Variants in ZRANB3 observed in about 807,000 individuals in gnomAD.
The protein encoded by ZRANB3 is zinc finger RANBP2-type containing 3, also known as DNA annealing helicase and endonuclease ZRANB3.
In ZRANB3, 125 loss-of-function variants were observed where a neutral mutation model predicts 133.8. That is an observed-to-expected ratio of 0.93 (90% CI 0.81 to 1.08). ZRANB3 has a LOEUF of 1.08. Ranked by LOEUF, ZRANB3 falls within the 50% of genes least tolerant of loss-of-function variation. The probability of loss-of-function intolerance (pLI) is 0.00; values close to 1 mark genes in which losing one functional copy is unlikely to be tolerated. For missense variants in ZRANB3, 1,229 were observed against 1,275.5 expected (o/e 0.96, Z 0.56); for synonymous variants, 387 against 432.7 (o/e 0.89, Z 1.31).
chr2:135,340,500 A>C (rs7563702), intron 6 of ZRANB3, among the ~76,000 whole-genome samples: 1 of 151,996 alleles, frequency 6.6e-6, no homozygotes, highest in Non-Finnish European at 1.5e-5. Context: ...TTCTGGATCT[A>C]CAAGAAAAAT....
chr2:135,235,080 C>G (rs1195383538), intron 12 of ZRANB3, among the ~76,000 whole-genome samples: 3 of 151,628 alleles, frequency 2.0e-5, no homozygotes, highest in African/African-American at 7.3e-5. Flanking sequence ...ATCAAATAGA[C>G]GCAATAAAAA....
At chr2:135,405,707 C>T (rs1687983174) in intron 2 of ZRANB3, among the ~76,000 whole-genome samples, 2 of 152,152 alleles carry the variant, frequency 1.3e-5, no homozygotes, top group Admixed American at 6.6e-5. Flanking sequence ...GAACAACCTG[C>T]TCCTGAATGA....
At position 135,501,486 on chromosome 2, in the gene ZRANB3, A is replaced by G. The variant is rs183452645; in HGVS notation, c.161+2843T>C. 9.2e-5 allele frequency among the ~76,000 whole-genome samples: 14 copies of G among 152,272 alleles called. No individual in the cohort carries two copies. The East Asian group carries it at 1.4e-3, about 15-fold the overall frequency. On this transcript the variant is annotated intron_variant, in intron 2 of 20. Transcript: ENST00000264159. ...TATTCAATGACAACACCATTACCTCATCTAAGATAATCAACATTAATCCAA... is the reference window on the plus strand; with the variant it reads ...TATTCAATGACAACACCATTACCTCGTCTAAGATAATCAACATTAATCCAA...
intron 2 of ZRANB3, among the ~76,000 whole-genome samples, chr2:135,500,826 C>T (rs769859046): frequency 1.1e-4 from 17 of 150,150 alleles, no homozygotes; most frequent in African/African-American, 2.0e-4. Flanking sequence ...TTAGACCAGC[C>T]GGTTGTGAAT....
At chr2:135,201,855 GTTAAATGGGC>G (rs1693643945) in intron 20 of ZRANB3, among the ~76,000 whole-genome samples, 1 of 152,174 alleles carries the variant, frequency 6.6e-6, no homozygotes, top group Non-Finnish European at 1.5e-5. Flanking sequence ...CCCAGTGGCA[GTTAAATGGGC>G]TTCTGGGGCC....
intron 2 of ZRANB3, among the ~76,000 whole-genome samples, chr2:135,425,293 G>C (rs150630537): frequency 4.6e-5 from 7 of 152,240 alleles, no homozygotes; most frequent in African/African-American, 1.7e-4. Flanking sequence ...AAATTGTACT[G>C]AAAAGGTCAG....
intron 8 of ZRANB3, among the ~76,000 whole-genome samples, chr2:135,278,872 A>G (rs138575950): frequency 3.3e-5 from 5 of 152,312 alleles, no homozygotes; most frequent in East Asian, 1.9e-4. Context: ...ATAAGTTCCT[A>G]TATAATCAGT....
intron 8 of ZRANB3, among the ~76,000 whole-genome samples, chr2:135,296,733 G>A (rs899845533): frequency 6.6e-6 from 1 of 152,136 alleles, no homozygotes; most frequent in African/African-American, 2.4e-5. Context: ...CTTTGATGAA[G>A]GTGACATACA....
chr2:135,201,054 G>A lies in ZRANB3; in HGVS notation c.3142-614C>T, dbSNP rs572460274. ...TTAAGGCAACTTGGGATTACCCAGC[G>A]AAGAAAATCTACCCACTTCCTATTC... is the stretch of plus-strand genomic sequence containing the variant. On this transcript the variant is annotated intron_variant, in intron 20 of 20. Transcript: ENST00000264159. Among the ~76,000 whole-genome samples, 19 of 152,198 alleles carry A rather than the reference G, an allele frequency of 1.2e-4. No homozygotes were observed. The South Asian group carries it at 2.1e-3, about 17-fold the overall frequency.
chr2:135,443,680 A>C (rs1689893379), intron 2 of ZRANB3, among the ~76,000 whole-genome samples: 1 of 152,200 alleles, frequency 6.6e-6, no homozygotes, highest in Admixed American at 6.5e-5. Context: ...CATCAGACAA[A>C]TCCGACGTGA....
intron 8 of ZRANB3, among the ~76,000 whole-genome samples, chr2:135,309,348 C>A (rs1169706581): frequency 6.6e-6 from 1 of 152,108 alleles, no homozygotes; most frequent in African/African-American, 2.4e-5. Context: ...CAAGGTAAGG[C>A]TGTTCAGTCC....
At chr2:135,273,725 CAG>C (rs1491407041) in intron 9 of ZRANB3, among the ~76,000 whole-genome samples, 2 of 152,022 alleles carry the variant, frequency 1.3e-5, no homozygotes, top group Non-Finnish European at 2.9e-5. Flanking sequence ...TTAGTAGAGA[CAG>C]AGTTTCTCCA....
intron 3 of ZRANB3, among the ~76,000 whole-genome samples, chr2:135,378,145 A>G (rs1686510266): frequency 6.6e-6 from 1 of 152,160 alleles, no homozygotes; most frequent in South Asian, 2.1e-4. Flanking sequence ...TTATATATGT[A>G]TCTATCCTAT....
Position 135,368,132 on chromosome 2 carries a change from C to G in ZRANB3, c.181-14504G>C, listed in dbSNP as rs150962271. 3.2e-3 allele frequency among the ~76,000 whole-genome samples: 485 copies of G among 152,056 alleles called. 2 individuals carry two copies. The highest frequency in any genetic ancestry group is 0.01 in the African/African-American group (428 of 41,528). ...ATGTCATCACATGCTAGTCACATTC[C>G]TAATTTATTAAATATTATTCATGTC... On this transcript the variant is annotated intron_variant, in intron 3 of 20. Coordinates refer to ENST00000264159, the MANE Select transcript of ZRANB3 (RefSeq NM_032143.4).
At chr2:135,487,863 C>T (rs1206072275) in intron 2 of ZRANB3, among the ~76,000 whole-genome samples, 1 of 152,202 alleles carries the variant, frequency 6.6e-6, no homozygotes, top group Non-Finnish European at 1.5e-5. Flanking sequence ...CATTTGTATA[C>T]TGGAGGAGTA....
intron 12 of ZRANB3, among the ~76,000 whole-genome samples, chr2:135,233,689 A>C (rs1442976917): frequency 6.6e-6 from 1 of 152,216 alleles, no homozygotes; most frequent in Non-Finnish European, 1.5e-5. Flanking sequence ...TATCCAGCCA[A>C]ACTAAGCTTC....
At chr2:135,311,317 G>C (rs1216683758) in intron 8 of ZRANB3, among the ~76,000 whole-genome samples, 1 of 152,044 alleles carries the variant, frequency 6.6e-6, no homozygotes, top group Non-Finnish European at 1.5e-5. Context: ...AATACCTAGT[G>C]CTCACAAAGA....
intron 2 of ZRANB3, among the ~76,000 whole-genome samples, chr2:135,426,859 A>G (rs1689105222): frequency 2.1e-5 from 1 of 47,824 alleles, no homozygotes; most frequent in African/African-American, 1.4e-4. Flanking sequence ...AAAAAAAAAA[A>G]AAAAATATAT....
intron 1 of ZRANB3, among the ~76,000 whole-genome samples, chr2:135,505,881 A>C (rs921321636): frequency 1.3e-5 from 2 of 152,220 alleles, no homozygotes; most frequent in African/African-American, 4.8e-5. Flanking sequence ...TAATTATAAT[A>C]TAGCACAAAT....
Sources: allele counts gnomAD v4.1 joint callset (sites outside exome capture counted in the v4.1 genomes callset), GRCh38; gene constraint gnomAD v4.1.1; transcripts MANE v1.5; gene names NCBI Gene and HGNC (gene_info 2026-07-23, HGNC 2026-07-21).